Variants in DPP10 observed in about 807,000 individuals in gnomAD.
DPP10 encodes the protein inactive dipeptidyl peptidase 10.
DPP10 carries 33 observed loss-of-function variants against 120.9 expected under a neutral mutation model. The observed-to-expected ratio is 0.27, with a 90% confidence interval of 0.21 to 0.37. The LOEUF (loss-of-function observed/expected upper bound fraction) is 0.37. Among genes scored for constraint, DPP10 ranks in the 10% least tolerant of loss-of-function variants. DPP10 has a pLI of 1.00. For missense variants in DPP10, 816 were observed against 942.8 expected (o/e 0.87, Z 1.76); for synonymous variants, 337 against 326.1 (o/e 1.03, Z -0.36).
At chr2:114,857,992 T>C (rs978796570) in intron 1 of DPP10, among the ~76,000 whole-genome samples, 9 of 152,100 alleles carry the variant, frequency 5.9e-5, no homozygotes, top group Admixed American at 1.3e-4. Flanking sequence ...TGTTTGCTTT[T>C]TGTTTTGTTT....
At chr2:115,466,133 A>G (rs372240393) in intron 3 of DPP10, among the ~76,000 whole-genome samples, 13 of 151,336 alleles carry the variant, frequency 8.6e-5, no homozygotes, top group Admixed American at 5.3e-4. Flanking sequence ...ATTGTATTCT[A>G]CTCTATAAAC....
intron 1 of DPP10, among the ~76,000 whole-genome samples, chr2:114,453,506 G>C (rs765589022): frequency 5.3e-5 from 8 of 151,936 alleles, no homozygotes; most frequent in Non-Finnish European, 8.8e-5. Flanking sequence ...GGGTTCTCAG[G>C]GTCTATCACA....
At chr2:114,934,505 AAGG>A (rs1245030993) in intron 1 of DPP10, among the ~76,000 whole-genome samples, 6 of 152,092 alleles carry the variant, frequency 3.9e-5, no homozygotes, top group Non-Finnish European at 7.4e-5. Context: ...GTGGGCTGAG[AAGG>A]AGGAGAGGAG....
intron 5 of DPP10, among the ~76,000 whole-genome samples, chr2:115,536,978 G>A (rs2078887677): frequency 1.3e-5 from 2 of 152,038 alleles, no homozygotes. Context: ...GAGTTATTTA[G>A]TGAGACTTAT....
chr2:115,365,536 T>A (rs554443646), intron 3 of DPP10, among the ~76,000 whole-genome samples: 31 of 152,242 alleles, frequency 2.0e-4, no homozygotes, highest in Middle Eastern at 3.4e-3. Flanking sequence ...GAATTTATTT[T>A]TTTTTCTAAG....
At chr2:115,836,771 G>C in intron 24 of DPP10, 25 bp downstream of exon 24, 1 of 1,600,854 alleles carries the variant, frequency 6.2e-7, no homozygotes, top group East Asian at 2.2e-5. Flanking sequence ...TGCCGCTGCT[G>C]TTTGATAGGG....
At chr2:115,150,964 A>G (rs182584283) in intron 1 of DPP10, among the ~76,000 whole-genome samples, 1 of 152,248 alleles carries the variant, frequency 6.6e-6, no homozygotes, top group African/African-American at 2.4e-5. Flanking sequence ...TTAAAATTAC[A>G]CACTTTTTTT....
intron 1 of DPP10, among the ~76,000 whole-genome samples, chr2:114,640,538 C>T (rs1041193410): frequency 6.6e-6 from 1 of 151,714 alleles, no homozygotes; most frequent in Non-Finnish European, 1.5e-5. Flanking sequence ...CCTCGTCATG[C>T]CTCAGGTCAA....
chr2:114,514,000 C>T (rs535397547), intron 1 of DPP10, among the ~76,000 whole-genome samples: 7 of 152,264 alleles, frequency 4.6e-5, no homozygotes, highest in South Asian at 2.1e-4. Flanking sequence ...GGGTTTGAAT[C>T]GAAAGCAGGG....
At chr2:115,745,855 C>T (rs761438686) in intron 9 of DPP10, among the ~76,000 whole-genome samples, 1 of 152,080 alleles carries the variant, frequency 6.6e-6, no homozygotes, top group African/African-American at 2.4e-5. Flanking sequence ...GAAGTCATCA[C>T]GATTTCCTAT....
In DPP10 at chr2:114,905,153, CTTTATA is replaced by C. The variant is rs1329635504; in HGVS notation, c.61-404082_61-404077del. Among the ~76,000 whole-genome samples, 4 of 151,076 alleles carry C rather than the reference CTTTATA, an allele frequency of 2.6e-5. No homozygotes were observed. The East Asian group carries it at 7.8e-4, about 29-fold the overall frequency. ...AAACTCTTATTAATTCTAATAATTT[CTTTATA>C]TTTTATCATTGCATTTTAATACACA... On this transcript the variant is annotated intron_variant, in intron 1 of 25. Coordinates refer to ENST00000410059, the MANE Select transcript of DPP10 (RefSeq NM_020868.6).
intron 3 of DPP10, among the ~76,000 whole-genome samples, chr2:115,473,817 C>T (rs2074892938): frequency 6.6e-6 from 1 of 152,128 alleles, no homozygotes; most frequent in Non-Finnish European, 1.5e-5. Context: ...GTGATACAGA[C>T]CTCCAAGGTG....
At chr2:114,542,048 C>CTTTTTTTTTTTTTTTTTTTTTTTTTTTT (rs761961981) in intron 1 of DPP10, among the ~76,000 whole-genome samples, 1 of 122,202 alleles carries the variant, frequency 8.2e-6, no homozygotes, top group Non-Finnish European at 1.7e-5. Flanking sequence ...TTCTTTCTTT[C>CTTTTTTTTTTTTTTTTTTTTTTTTTTTT]CTTTTTTTTT....
intron 3 of DPP10, among the ~76,000 whole-genome samples, chr2:115,344,926 C>T (rs1328293892): frequency 6.6e-6 from 1 of 152,102 alleles, no homozygotes; most frequent in African/African-American, 2.4e-5. Context: ...CCATTCCTTC[C>T]TCTCTCTTAC....
intron 1 of DPP10, among the ~76,000 whole-genome samples, chr2:114,812,585 C>G (rs940258899): frequency 2.2e-5 from 3 of 138,966 alleles, no homozygotes; most frequent in Admixed American, 7.1e-5. Flanking sequence ...GAGACATTGA[C>G]ACACACACAC....
At chr2:114,646,829 CT>C (rs1696174699) in intron 1 of DPP10, among the ~76,000 whole-genome samples, 1 of 152,166 alleles carries the variant, frequency 6.6e-6, no homozygotes, top group Non-Finnish European at 1.5e-5. Context: ...TAACTCATTC[CT>C]CTTTCTCCCA....
intron 1 of DPP10, among the ~76,000 whole-genome samples, chr2:114,732,638 A>G (rs1415845275): frequency 6.6e-6 from 1 of 152,182 alleles, no homozygotes; most frequent in Non-Finnish European, 1.5e-5. Flanking sequence ...GCATTTTAGA[A>G]AACTCATTCT....
At chr2:115,326,887 A>G (rs939700418) in intron 2 of DPP10, among the ~76,000 whole-genome samples, 2 of 152,036 alleles carry the variant, frequency 1.3e-5, no homozygotes, top group African/African-American at 4.8e-5. Flanking sequence ...TTAATCTACT[A>G]CTAAAGAAAG....
intron 1 of DPP10, among the ~76,000 whole-genome samples, chr2:115,173,613 T>G (rs189185673): frequency 7.1e-4 from 108 of 152,262 alleles, no homozygotes; most frequent in Admixed American, 2.0e-3. Context: ...ATGGGTATGC[T>G]TTAGGTAGGC....
Sources: allele counts gnomAD v4.1 joint callset (sites outside exome capture counted in the v4.1 genomes callset), GRCh38; gene constraint gnomAD v4.1.1; transcripts MANE v1.5; gene names NCBI Gene and HGNC (gene_info 2026-07-23, HGNC 2026-07-21).